Variants in NOSTRIN observed in about 807,000 individuals in gnomAD.
The protein encoded by NOSTRIN is BM247 homolog.
Under a neutral mutation model 59.0 loss-of-function variants are expected in NOSTRIN, and 63 were observed. That is an observed-to-expected ratio of 1.07 (90% confidence interval 0.87 to 1.32). The LOEUF (loss-of-function observed/expected upper bound fraction) is 1.32. Among genes scored for constraint, NOSTRIN ranks in the 40% most tolerant of loss-of-function variants. NOSTRIN has a pLI of 0.00. For synonymous variants in NOSTRIN, 200 were observed against 165.4 expected, an observed-to-expected ratio of 1.21 and a Z score of -1.61; for missense variants, 512 against 473.1, an observed-to-expected ratio of 1.08 and a Z score of -0.76.
chr2:168,806,209 T>C (rs959481493), intron 1 of NOSTRIN, among the ~76,000 whole-genome samples: 3 of 152,176 alleles, frequency 2.0e-5, no homozygotes, highest in Non-Finnish European at 4.4e-5. Context: ...GCAAAGTTCA[T>C]TGTGTTAAAT....
chr2:168,790,287 T>C (rs1047927766), intron 2 of NOSTRIN, among the ~76,000 whole-genome samples: 1 of 152,138 alleles, frequency 6.6e-6, no homozygotes, highest in Non-Finnish European at 1.5e-5. Flanking sequence ...TATGATAAAA[T>C]TAATATATAA....
At chr2:168,829,011 CT>C (rs577509592) in intron 5 of NOSTRIN, among the ~76,000 whole-genome samples, 5 of 151,888 alleles carry the variant, frequency 3.3e-5, no homozygotes, top group African/African-American at 9.7e-5. Context: ...CATTTTTATA[CT>C]TTTTTGCATT....
At chr2:168,824,850 C>T in intron 3 of NOSTRIN, 133 bp downstream of exon 3, 1 of 613,200 alleles carries the variant, frequency 1.6e-6, no homozygotes. Context: ...AATCACAGCT[C>T]ACTGCACCCT....
chr2:168,803,216 G>A (rs1375361762), intron 1 of NOSTRIN, among the ~76,000 whole-genome samples: 1 of 152,076 alleles, frequency 6.6e-6, no homozygotes, highest in Non-Finnish European at 1.5e-5. Flanking sequence ...TGTTCGTTTT[G>A]GTAATGTTTG....
chr2:168,818,309 G>C, intron 2 of NOSTRIN: 1 of 312,382 alleles, frequency 3.2e-6, no homozygotes, highest in Non-Finnish European at 6.6e-6. Context: ...GTGTGCCACT[G>C]CTCTGGGCTA....
chr2:168,836,980 T>A (rs73969978), intron 7 of NOSTRIN, among the ~76,000 whole-genome samples: 27,723 of 152,090 alleles, frequency 0.18, 2,719 homozygotes, highest in African/African-American at 0.25. Flanking sequence ...AAGTGTGGGA[T>A]CAGGTGCTAT....
chr2:168,856,011 T>A (rs1689080478), intron 11 of NOSTRIN: 1 of 385,678 alleles, frequency 2.6e-6, no homozygotes, highest in African/African-American at 2.2e-5. Context: ...CTCATTGCAA[T>A]GGAATACTAG....
In NOSTRIN at chr2:168,860,803, T is replaced by G. The variant is rs375549537; in HGVS notation, c.1188T>G (p.Thr396=). Residue 396 remains threonine (T), a synonymous_variant, in exon 14 of 16, where the codon ACT becomes ACG. Transcript: ENST00000317647. ...TTATGTCATTTGAACAGGAGCATAC[T>G]CATAGCTATGTGAAAATATCTCGGC... ...SIFRWREKEH[T]HSYVKISRPF... is the part of the protein sequence containing the mutation. 6.2e-7 allele frequency: 1 copy of G among 1,601,342 alleles called. No individual in the cohort carries two copies. The highest frequency in any genetic ancestry group is 1.3e-5 in the African/African-American group (1 of 74,796).
rs756381301 is a variant in NOSTRIN, at chr2:168,834,507, G to GCGCGCGCACACACACACACACA, written c.504+183_504+184insGCGCGCACACACACACACACAC. ...TACTGGCGTGCGCGCGCGCGCGCGC[G>GCGCGCGCACACACACACACACA]CACACACACACACACACACACACAC... On this transcript the variant is annotated intron_variant, in intron 7 of 15. Transcript: ENST00000317647. 1.5e-4 allele frequency among the ~76,000 whole-genome samples: 19 copies of GCGCGCGCACACACACACACACA among 125,430 alleles called. No individual in the cohort carries two copies. In the East Asian group the frequency reaches 1.9e-3, roughly 13 times the overall value. The allele number at this position is 125,430 out of a possible 152,430, so 82.3% of individuals were successfully genotyped here.
chr2:168,863,645 G>T (rs1023237285), intron 15 of NOSTRIN: 12 of 961,960 alleles, frequency 1.2e-5, no homozygotes, highest in Non-Finnish European at 1.5e-5. Flanking sequence ...ATTTTGAATG[G>T]GGAGTTACAT....
chr2:168,857,363 G>A (rs1190560728), intron 12 of NOSTRIN, among the ~76,000 whole-genome samples: 1 of 152,160 alleles, frequency 6.6e-6, no homozygotes, highest in South Asian at 2.1e-4. Context: ...GAAAGACGTG[G>A]TTGCAGAGGG....
upstream of NOSTRIN, among the ~76,000 whole-genome samples, chr2:168,795,546 T>C (rs1685457015): frequency 6.6e-6 from 1 of 152,204 alleles, no homozygotes; most frequent in Non-Finnish European, 1.5e-5. Flanking sequence ...CAAACTAATC[T>C]ATTTGGTTTC....
At chr2:168,795,951 C>T (rs564369585), upstream of NOSTRIN, among the ~76,000 whole-genome samples, 1 of 152,232 alleles carries the variant, frequency 6.6e-6, no homozygotes, top group African/African-American at 2.4e-5. Flanking sequence ...AGGCCGAAAC[C>T]CTTAAAAAAT....
intron 1 of NOSTRIN, among the ~76,000 whole-genome samples, chr2:168,803,990 A>AAAATC (rs1685722563): frequency 6.6e-6 from 1 of 152,254 alleles, no homozygotes; most frequent in Admixed American, 6.5e-5. Context: ...AAGTGGCAGC[A>AAAATC]AAATCTTGGC....
At chr2:168,800,878 C>T (rs1055908407), upstream of NOSTRIN, among the ~76,000 whole-genome samples, 1 of 147,440 alleles carries the variant, frequency 6.8e-6, no homozygotes, top group African/African-American at 2.5e-5. Flanking sequence ...ATGTTATTAA[C>T]CTCAGTCTAT....
rs556632409 is a variant in NOSTRIN at position 168,792,314 on chromosome 2, TGAAA to T, written c.-473+4271_-473+4274del. Among the ~76,000 whole-genome samples, 10 of 152,204 alleles carry T rather than the reference TGAAA, an allele frequency of 6.6e-5. 1 individual carries two copies. The East Asian group carries it at 1.5e-3, about 23-fold the overall frequency. On this transcript the variant is annotated intron_variant, in intron 2 of 20. Coordinates refer to the NOSTRIN transcript ENST00000458381. ...TCAAATTATCAAAGGAAAAATTTAG[TGAAA>T]GAAAAAAATGCATTAAATAAAACTT...
intron 2 of NOSTRIN, among the ~76,000 whole-genome samples, chr2:168,823,758 T>C (rs1686899414): frequency 6.6e-6 from 1 of 152,194 alleles, no homozygotes. Flanking sequence ...CCCATTAGCA[T>C]GATGTAAAAG....
intron 7 of NOSTRIN, among the ~76,000 whole-genome samples, chr2:168,841,051 G>A (rs1287375388): frequency 1.3e-5 from 2 of 151,788 alleles, no homozygotes; most frequent in East Asian, 1.9e-4. Context: ...CCAGGAGTTG[G>A]AGACCAGACT....
In NOSTRIN at chr2:168,828,442, T is replaced by C. The variant is rs766044969; in HGVS notation, c.283T>C (p.Leu95=). ...CAGAAAACTTGGCAAAGCAATTGAA[T>C]TGGAAGCAATAAAACCGACTTATCA... ...LHQKLGKAIE[L]EAIKPTYQVL... is the part of the protein sequence containing the mutation. Residue 95 remains leucine, a synonymous_variant, in exon 5 of 16, where the codon TTG becomes CTG. Coordinates refer to ENST00000317647, the MANE Select transcript of NOSTRIN (RefSeq NM_001039724.4). 1 of 872,240 alleles carries C rather than the reference T, an allele frequency of 1.1e-6. No individual in the cohort carries two copies. Among genetic ancestry groups the C allele is most frequent in the Non-Finnish European group, 2.0e-6 (1 of 501,570 alleles). The allele number at this position is 872,240 out of a possible 1,614,324, so 54.0% of individuals were successfully genotyped here.
Sources: gnomAD v4.1 joint callset for allele counts (sites outside exome capture counted in the v4.1 genomes callset) on GRCh38, gnomAD v4.1.1 for gene constraint, MANE v1.5 for transcripts, NCBI Gene and HGNC (gene_info 2026-07-23, HGNC 2026-07-21) for gene names.